DIAPH2: variants seen among roughly 807,000 people sequenced by gnomAD.
DIAPH2 encodes protein diaphanous homolog 2.
Under a neutral mutation model 92.7 loss-of-function variants are expected in DIAPH2, and 35 were observed. The observed-to-expected ratio is 0.38, with a 90% confidence interval of 0.29 to 0.50. The LOEUF is 0.50. DIAPH2 is among the 20% of genes least tolerant of loss of function. DIAPH2 has a pLI of 0.94. For synonymous variants in DIAPH2, 301 were observed against 280.4 expected (o/e 1.07, Z -0.73); for missense variants, 701 against 819.5 (o/e 0.86, Z 1.77).
chrX:96,793,730 G>A, intron 4 of DIAPH2: 2 of 320,117 alleles, frequency 6.2e-6, no homozygotes, highest in African/African-American at 2.6e-5. Context: ...ACTTCCCAAA[G>A]ATCCCACCTC....
chrX:96,968,384 A>G (rs969718863), intron 17 of DIAPH2, among the ~76,000 whole-genome samples: 2 of 109,077 alleles, frequency 1.8e-5, no homozygotes, highest in Non-Finnish European at 1.9e-5. Flanking sequence ...ATGCCCAGCT[A>G]ATTTTTGTAT....
At chrX:96,863,724 A>C (rs1265004963) in intron 4 of DIAPH2, among the ~76,000 whole-genome samples, 1 of 111,035 alleles carries the variant, frequency 9.0e-6, no homozygotes, top group Admixed American at 9.6e-5. Flanking sequence ...TTTGTATCTC[A>C]TTTTAAATAA....
chrX:97,523,880 T>C (rs925403364), intron 26 of DIAPH2, among the ~76,000 whole-genome samples: 1 of 111,871 alleles, frequency 8.9e-6, no homozygotes, highest in African/African-American at 3.2e-5. Context: ...TTTATAAAAT[T>C]TCATATCAGA....
At chrX:97,375,792 C>T (rs1180135644) in intron 24 of DIAPH2, among the ~76,000 whole-genome samples, 6 of 110,958 alleles carry the variant, frequency 5.4e-5, no homozygotes, top group African/African-American at 1.3e-4. Flanking sequence ...AAGTTTCCAC[C>T]TTTCATCCTA....
intron 17 of DIAPH2, among the ~76,000 whole-genome samples, chrX:97,043,208 G>A (rs1267130909): frequency 9.0e-6 from 1 of 111,555 alleles, no homozygotes; most frequent in Non-Finnish European, 1.9e-5. Flanking sequence ...GAGAAGCTGT[G>A]ATGAGTTATT....
chrX:97,520,590 T>C (rs1169401168), intron 26 of DIAPH2, among the ~76,000 whole-genome samples: 1 of 112,396 alleles, frequency 8.9e-6, no homozygotes, highest in African/African-American at 3.2e-5. Context: ...TAATCTATCC[T>C]TCATCTACTT....
chrX:97,363,665 CAAAAAAA>C (rs35245894), intron 24 of DIAPH2, among the ~76,000 whole-genome samples: 5 of 17,805 alleles, frequency 2.8e-4, no homozygotes, highest in Admixed American at 2.4e-3. Context: ...GACTCTGCCT[CAAAAAAA>C]AAAAAAAAAA....
At chrX:97,411,873 C>A (rs1254931594) in intron 25 of DIAPH2, among the ~76,000 whole-genome samples, 1 of 111,721 alleles carries the variant, frequency 9.0e-6, no homozygotes, top group Non-Finnish European at 1.9e-5. Context: ...TATATATGCA[C>A]CCAATACAGG....
At chrX:97,239,045 A>G (rs2068071122) in intron 22 of DIAPH2, among the ~76,000 whole-genome samples, 1 of 111,809 alleles carries the variant, frequency 8.9e-6, no homozygotes, top group Non-Finnish European at 1.9e-5. Flanking sequence ...TAATTTGTCA[A>G]TGGTTACAAT....
intron 24 of DIAPH2, among the ~76,000 whole-genome samples, chrX:97,379,886 C>T (rs2069536884): frequency 9.0e-6 from 1 of 111,113 alleles, no homozygotes; most frequent in South Asian, 3.8e-4. Flanking sequence ...CATCTGGGCT[C>T]CTTGGAATTT....
intron 9 of DIAPH2, among the ~76,000 whole-genome samples, chrX:96,924,920 G>A (rs1236242805): frequency 2.7e-5 from 3 of 111,317 alleles, no homozygotes; most frequent in Non-Finnish European, 5.7e-5. Flanking sequence ...CATGAGATTT[G>A]AGTGGGGATA....
chrX:97,129,145 T>C (rs201385289), intron 21 of DIAPH2, among the ~76,000 whole-genome samples: 4,369 of 39,703 alleles, frequency 0.11, 45 homozygotes, highest in East Asian at 0.16. Context: ...TCTTTTCTTT[T>C]CTTTCTTTTC....
intron 25 of DIAPH2, 39 bp from the exon 26 acceptor site, chrX:97,429,611 A>G: frequency 8.4e-7 from 1 of 1,188,428 alleles, no homozygotes. Flanking sequence ...TTTAACTTTA[A>G]TTGCTCCAAG....
At chrX:97,554,769 C>CA (rs1478771714) in intron 26 of DIAPH2, among the ~76,000 whole-genome samples, 1 of 111,732 alleles carries the variant, frequency 8.9e-6, no homozygotes, top group Non-Finnish European at 1.9e-5. Flanking sequence ...ATATGTTTCC[C>CA]AAGGTTATGA....
chrX:96,685,002 C>T lies in DIAPH2; in HGVS notation c.-57C>T. ...GGGGCAGTGTGAGCGCCCCGAGGTGCTTTCTCAGTTGAGGAGAGGTGGGGT... is the reference window on the plus strand; with the variant it reads ...GGGGCAGTGTGAGCGCCCCGAGGTGTTTTCTCAGTTGAGGAGAGGTGGGGT... On this transcript the variant is annotated 5_prime_UTR_variant, in exon 1 of 27. Transcript: ENST00000324765. The T allele has an allele frequency of 1.0e-6, 1 of 952,865 alleles. No homozygotes were observed. The highest frequency in any genetic ancestry group is 1.3e-6 in the Non-Finnish European group (1 of 757,878). The allele number at this position is 952,865 out of a possible 1,213,427, so 78.5% of individuals were successfully genotyped here.
At position 97,597,701 on chromosome X, in the gene DIAPH2, A is replaced by AAT. The variant is rs763790302; in HGVS notation, c.3242-1551_3242-1550dup. ...AATGTTTTCTAAGAAGTAGAAAACC[A>AAT]ATCTGTATGCAAACCAGTGACATCT... is the stretch of plus-strand genomic sequence containing the variant. On this transcript the variant is annotated intron_variant, in intron 26 of 26. Transcript: ENST00000324765. Among the ~76,000 whole-genome samples, 8 of 111,934 alleles carry AAT rather than the reference A, an allele frequency of 7.1e-5. No homozygotes were observed. In the South Asian group the frequency reaches 3.0e-3, roughly 42 times the overall value.
chrX:97,163,254 C>T (rs958069759), intron 22 of DIAPH2, among the ~76,000 whole-genome samples: 2 of 111,305 alleles, frequency 1.8e-5, no homozygotes, highest in Admixed American at 1.9e-4. Context: ...ACTGCAGCCT[C>T]GAACCCCCCT....
In DIAPH2 at chrX:97,601,446, T is replaced by C. The variant is rs1347231812; in HGVS notation, c.*2129T>C. 1 of 104,495 alleles carries C rather than the reference T, an allele frequency of 9.6e-6. No individual in the cohort carries two copies. Among genetic ancestry groups the C allele is most frequent in the Non-Finnish European group, 2.0e-5 (1 of 50,828 alleles). 8.6% of individuals were successfully genotyped at this position (104,495 alleles called of 1,213,427 possible). On this transcript the variant is annotated 3_prime_UTR_variant, in exon 27 of 27. Coordinates refer to ENST00000324765, the MANE Select transcript of DIAPH2 (RefSeq NM_006729.5). ...AATCCCACATGCTTTTCACAAACAT[T>C]AAAAAAAAAAACCTTTCAGGGTCTT... is the stretch of plus-strand genomic sequence containing the variant.
Position 96,804,742 on chromosome X carries a change from A to G in DIAPH2, c.447+46484A>G, listed in dbSNP as rs769515978. On this transcript the variant is annotated intron_variant, in intron 4 of 26. Transcript: ENST00000324765. ...TCTTTTAGTGTTCCAAAAATAAAAT[A>G]ATAAATATATGCTAAAATTTAAAAA... Among the ~76,000 whole-genome samples, 157 of 111,839 alleles carry G rather than the reference A, an allele frequency of 1.4e-3. 1 individual carries two copies. The highest frequency in any genetic ancestry group is 4.7e-3 in the African/African-American group (146 of 30,880).
Sources: allele counts gnomAD v4.1 joint callset (sites outside exome capture counted in the v4.1 genomes callset), GRCh38; gene constraint gnomAD v4.1.1; transcripts MANE v1.5; gene names NCBI Gene and HGNC (gene_info 2026-07-23, HGNC 2026-07-21).